ST7: variants seen among roughly 807,000 people sequenced by gnomAD.
The protein encoded by ST7 is suppressor of tumorigenicity 7 protein.
A neutral mutation model predicts 78.7 loss-of-function variants in ST7; 28 were observed. That is an observed-to-expected ratio of 0.36 (90% CI 0.26 to 0.49). The LOEUF (loss-of-function observed/expected upper bound fraction) is 0.49, where lower values mean the gene tolerates loss of function less well. ST7 is among the 20% of genes least tolerant of loss of function. The probability of loss-of-function intolerance (pLI) is 0.99; values close to 1 mark genes in which losing one functional copy is unlikely to be tolerated. For synonymous variants in ST7, 247 were observed against 249.6 expected (o/e 0.99, Z 0.10); for missense variants, 418 against 696.0 (o/e 0.60, Z 4.49).
chr7:117,046,178 T>A (rs1797483618), intron 1 of ST7, among the ~76,000 whole-genome samples: 1 of 152,080 alleles, frequency 6.6e-6, no homozygotes, highest in African/African-American at 2.4e-5. Context: ...TTTTTGACTG[T>A]GTCATGCTGC....
At chr7:117,222,760 CAG>C (rs1387478667) in intron 15 of ST7, 2 of 905,720 alleles carry the variant, frequency 2.2e-6, no homozygotes, top group Non-Finnish European at 3.7e-6. Context: ...ATAAGGAAAA[CAG>C]TATCAATTGT....
intron 1 of ST7, among the ~76,000 whole-genome samples, chr7:116,976,801 C>T (rs1442780465): frequency 6.6e-6 from 1 of 151,984 alleles, no homozygotes; most frequent in Non-Finnish European, 1.5e-5. Context: ...TATACCTCAC[C>T]AGTAATAGAT....
intron 10 of ST7, chr7:117,184,297 C>T (rs1345133637): frequency 2.0e-5 from 3 of 152,142 alleles, no homozygotes; most frequent in Non-Finnish European, 4.4e-5. Context: ...TCTTTGGATT[C>T]TAACTCGTAA....
At chr7:117,145,198 C>T (rs982773610) in intron 9 of ST7, among the ~76,000 whole-genome samples, 6 of 137,756 alleles carry the variant, frequency 4.4e-5, no homozygotes, top group Non-Finnish European at 9.1e-5. Flanking sequence ...GAATGAGACC[C>T]CATCTCAAAA....
chr7:116,983,387 C>A (rs1794045291), intron 1 of ST7, among the ~76,000 whole-genome samples: 1 of 152,078 alleles, frequency 6.6e-6, no homozygotes. Context: ...CTGTATGTAA[C>A]CAGTATCTCT....
intron 1 of ST7, among the ~76,000 whole-genome samples, chr7:116,979,448 GT>G (rs1332663582): frequency 6.6e-6 from 1 of 152,050 alleles, no homozygotes; most frequent in East Asian, 1.9e-4. Flanking sequence ...CAACTTCCAG[GT>G]TTGCATTTTC....
chr7:116,992,668 G>A (rs1322018137), intron 1 of ST7, among the ~76,000 whole-genome samples: 2 of 152,166 alleles, frequency 1.3e-5, no homozygotes, highest in Non-Finnish European at 2.9e-5. Context: ...ATGAACATTC[G>A]GCTCCTCATT....
At chr7:117,112,757 C>G (rs969241985) in intron 2 of ST7, 1 of 152,208 alleles carries the variant, frequency 6.6e-6, no homozygotes, top group African/African-American at 2.4e-5. Flanking sequence ...AAATGTCAAG[C>G]TGTGTCATCT....
chr7:117,003,221 A>G (rs1157161043), intron 1 of ST7, among the ~76,000 whole-genome samples: 1 of 150,962 alleles, frequency 6.6e-6, no homozygotes, highest in African/African-American at 2.4e-5. Context: ...CATGAGCCCC[A>G]CCTGGGCCCA....
chr7:117,011,881 G>C (rs542962578), intron 1 of ST7, among the ~76,000 whole-genome samples: 1 of 152,304 alleles, frequency 6.6e-6, no homozygotes, highest in South Asian at 2.1e-4. Flanking sequence ...AAAATTCTTT[G>C]AGAGGTGGGT....
chr7:117,162,368 A>T (rs749771989), intron 9 of ST7, among the ~76,000 whole-genome samples: 7 of 152,010 alleles, frequency 4.6e-5, no homozygotes, highest in South Asian at 2.1e-4. Flanking sequence ...TTTTGTCCAC[A>T]TTAAGATATC....
intron 1 of ST7, among the ~76,000 whole-genome samples, chr7:117,086,540 A>G (rs992937162): frequency 6.6e-6 from 1 of 152,244 alleles, no homozygotes; most frequent in Non-Finnish European, 1.5e-5. Context: ...ATTTGAGATA[A>G]TAAGAATAGA....
chr7:117,177,132 C>T (rs539401668), intron 10 of ST7, among the ~76,000 whole-genome samples: 3 of 152,334 alleles, frequency 2.0e-5, no homozygotes, highest in African/African-American at 7.2e-5. Flanking sequence ...TAGCTTTGCA[C>T]TGGATGCTCT....
At chr7:117,025,993 G>A (rs1057024539) in intron 1 of ST7, among the ~76,000 whole-genome samples, 1 of 151,932 alleles carries the variant, frequency 6.6e-6, no homozygotes, top group Non-Finnish European at 1.5e-5. Flanking sequence ...TCTGTAGTTT[G>A]TTCAGAAAAA....
chr7:117,040,551 A>ATTT (rs1797159203), intron 1 of ST7, among the ~76,000 whole-genome samples: 1 of 152,184 alleles, frequency 6.6e-6, no homozygotes, highest in African/African-American at 2.4e-5. Flanking sequence ...CATAGTAAAT[A>ATTT]CCCTCTCTGG....
chr7:117,075,433 C>T (rs928057009), intron 1 of ST7, among the ~76,000 whole-genome samples: 1 of 152,126 alleles, frequency 6.6e-6, no homozygotes. Flanking sequence ...AGTGGCTACA[C>T]GTTTCTTTGC....
intron 3 of ST7, among the ~76,000 whole-genome samples, chr7:117,128,091 T>C (rs1804008500): frequency 6.6e-6 from 1 of 151,922 alleles, no homozygotes; most frequent in Non-Finnish European, 1.5e-5. Flanking sequence ...CCTTGTTTTA[T>C]AGTAAATAAT....
At chr7:117,110,839 G>T (rs1482926683) in intron 2 of ST7, among the ~76,000 whole-genome samples, 1 of 152,184 alleles carries the variant, frequency 6.6e-6, no homozygotes, top group Non-Finnish European at 1.5e-5. Context: ...TGCAGATCTG[G>T]GCTGGTGAGG....
chr7:117,063,143 T>C (rs1331917759), intron 1 of ST7, among the ~76,000 whole-genome samples: 1 of 152,208 alleles, frequency 6.6e-6, no homozygotes, highest in Admixed American at 6.5e-5. Flanking sequence ...CTTGTTTGCT[T>C]TTTTGTTTCT....
Sources: allele counts gnomAD v4.1 joint callset (sites outside exome capture counted in the v4.1 genomes callset), GRCh38; gene constraint gnomAD v4.1.1; transcripts MANE v1.5; gene names NCBI Gene and HGNC (gene_info 2026-07-23, HGNC 2026-07-21).